The following FBN1 variants were observed in gnomAD, a reference collection of about 807,000 sequenced individuals.
The protein encoded by FBN1 is fibrillin-1.
FBN1 carries 29 observed loss-of-function variants against 365.1 expected under a neutral mutation model. The observed-to-expected ratio is 0.08, with a 90% CI of 0.06 to 0.11. FBN1 has a LOEUF of 0.11. Among genes scored for constraint, FBN1 ranks in the 10% least tolerant of loss-of-function variants. The probability of loss-of-function intolerance (pLI) is 1.00; values close to 1 mark genes in which losing one functional copy is unlikely to be tolerated. For synonymous variants in FBN1, 1,210 were observed against 1,270.5 expected, an observed-to-expected ratio of 0.95 and a Z score of 1.01; for missense variants, 2,476 against 3,703.2, an observed-to-expected ratio of 0.67 and a Z score of 8.60.
chr15:48,514,972 G>C (rs147957276), intron 12 of FBN1, among the ~76,000 whole-genome samples: 185 of 152,270 alleles, frequency 1.2e-3, no homozygotes, highest in African/African-American at 4.2e-3. Context: ...AGAGTCTCCT[G>C]GATTATACAG....
At chr15:48,426,577 T>C (rs1018909012) in intron 58 of FBN1, among the ~76,000 whole-genome samples, 5 of 152,014 alleles carry the variant, frequency 3.3e-5, no homozygotes, top group South Asian at 2.1e-4. Context: ...TCTTGACCCA[T>C]TTTACCTCCT....
intron 2 of FBN1, among the ~76,000 whole-genome samples, chr15:48,637,209 C>T (rs1890110352): frequency 6.6e-6 from 1 of 152,310 alleles, no homozygotes; most frequent in Admixed American, 6.5e-5. Context: ...CCTATATTAG[C>T]CTCCTAAATC....
At chr15:48,640,658 G>A (rs1278028908) in intron 2 of FBN1, among the ~76,000 whole-genome samples, 1 of 152,122 alleles carries the variant, frequency 6.6e-6, no homozygotes, top group Non-Finnish European at 1.5e-5. Context: ...AGACCAAAAG[G>A]AATCACACAC....
At chr15:48,567,387 A>C (rs1044816800) in intron 6 of FBN1, among the ~76,000 whole-genome samples, 1 of 152,196 alleles carries the variant, frequency 6.6e-6, no homozygotes, top group African/African-American at 2.4e-5. Flanking sequence ...ATAGAGAAAC[A>C]CTGTTGTGTA....
chr15:48,468,280 C>A, intron 37 of FBN1, 132 bp downstream of exon 37: 1 of 1,375,284 alleles, frequency 7.3e-7, no homozygotes, highest in African/African-American at 1.4e-5. Flanking sequence ...ATATCTGAAT[C>A]TAAAGTAGAG....
intron 2 of FBN1, among the ~76,000 whole-genome samples, chr15:48,630,328 T>C (rs1187922329): frequency 3.3e-5 from 5 of 152,192 alleles, no homozygotes; most frequent in Admixed American, 6.5e-5. Context: ...ATGGGAAATA[T>C]GAAATGGAGG....
intron 2 of FBN1, among the ~76,000 whole-genome samples, chr15:48,622,169 T>G (rs1268779374): frequency 6.6e-6 from 1 of 152,186 alleles, no homozygotes; most frequent in African/African-American, 2.4e-5. Flanking sequence ...AAAATAATAA[T>G]AATCCTGTCC....
chr15:48,485,548 C>A, intron 29 of FBN1, 52 bp from the exon 30 acceptor site: 1 of 1,596,844 alleles, frequency 6.3e-7, no homozygotes, highest in Non-Finnish European at 8.6e-7. Context: ...GATGTCTGTC[C>A]CCTCCAATAC....
intron 36 of FBN1, 71 bp from the exon 37 acceptor site, chr15:48,468,605 G>A: frequency 1.3e-6 from 2 of 1,547,738 alleles, no homozygotes; most frequent in Non-Finnish European, 8.9e-7. Flanking sequence ...TAAAAGAACA[G>A]GGCCCAATCT....
At position 48,411,236 on chromosome 15, in the gene FBN1, G is replaced by A. The variant is rs757167650; in HGVS notation, c.8370C>T (p.His2790=). Residue 2790 remains histidine (H), a synonymous_variant, in exon 66 of 66, where the codon CAC becomes CAT. Coordinates refer to ENST00000316623, the MANE Select transcript of FBN1 (RefSeq NM_000138.5). ...LLPALTTLTN[H]NRYLIESGNE... is the part of the protein sequence containing the mutation. ...TTCCAGATTCGATCAAGTATCTGTT[G>A]TGATTCGTCAGAGTTGTAAGAGCTG... is the stretch of plus-strand genomic sequence containing the variant. 1 of 1,614,126 alleles carries A rather than the reference G, an allele frequency of 6.2e-7. No individual in the cohort carries two copies. Among genetic ancestry groups the A allele is most frequent in the Non-Finnish European group, 8.5e-7 (1 of 1,180,002 alleles).
intron 53 of FBN1, among the ~76,000 whole-genome samples, chr15:48,436,185 A>G (rs959421490): frequency 2.0e-5 from 3 of 152,166 alleles, no homozygotes; most frequent in African/African-American, 7.2e-5. Context: ...TCCCGATACC[A>G]TTGATCTTTA....
rs746320943 is a variant in FBN1, at chr15:48,465,678, T to C, written c.4832A>G (p.Gln1611Arg). 1.2e-6 allele frequency: 2 copies of C among 1,614,106 alleles called. No homozygotes were observed. The highest frequency in any genetic ancestry group is 1.7e-6 in the Non-Finnish European group (2 of 1,179,954). Residue 1611 changes from glutamine (Q) to arginine (R), a missense_variant, in exon 40 of 66, where the codon CAG (glutamine) becomes CGG (arginine). By Grantham distance (43) the Gln-to-Arg change is conservative. This residue lies in a region of FBN1 where 1,780 missense variants were observed against 2,840.8 expected (regional missense o/e 0.63). Transcript: ENST00000316623. The part of the protein sequence containing the change: ...TVILEDIDEC[Q>R]ELPGLCQGGK... The stretch of plus-strand genomic sequence containing the variant: ...TCCTTGGCACAGCCCTGGTAGCTCC[T>C]GGCACTCATCAATATCTATCAAAAT...
At chr15:48,524,400 G>A (rs1231303644) in intron 9 of FBN1, among the ~76,000 whole-genome samples, 2 of 152,086 alleles carry the variant, frequency 1.3e-5, no homozygotes, top group Non-Finnish European at 2.9e-5. Context: ...ACTGTCTTAC[G>A]AACAAGCCTT....
At chr15:48,456,843 CGTGTGTGTGT>C (rs3074895) in intron 43 of FBN1, 81 bp from the exon 44 acceptor site, 7 of 742,924 alleles carry the variant, frequency 9.4e-6, no homozygotes, top group African/African-American at 1.9e-5. Context: ...AAAGTGCGTG[CGTGTGTGTGT>C]GTGTGTGTGT....
At chr15:48,420,547 C>G (rs59270599) in intron 63 of FBN1, 140 bp downstream of exon 63, 1 of 1,047,656 alleles carries the variant, frequency 9.5e-7, no homozygotes. Context: ...TTACTTACCT[C>G]GGGTTTCAAC....
At chr15:48,495,356 A>G in intron 21 of FBN1, 96 bp from the exon 22 acceptor site, 1 of 1,594,844 alleles carries the variant, frequency 6.3e-7, no homozygotes, top group African/African-American at 1.3e-5. Context: ...AACAAGGAAT[A>G]ATGAAGTTTT....
chr15:48,433,221 T>G (rs953549809), intron 54 of FBN1, among the ~76,000 whole-genome samples: 1 of 152,330 alleles, frequency 6.6e-6, no homozygotes, highest in Non-Finnish European at 1.5e-5. Flanking sequence ...AGTCCCAGTT[T>G]ATGTTTGTTG....
At chr15:48,642,204 C>G (rs1407235979) in intron 2 of FBN1, 1 of 152,176 alleles carries the variant, frequency 6.6e-6, no homozygotes, top group African/African-American at 2.4e-5. Flanking sequence ...ATGGCGAAAC[C>G]CCATCTCTAC....
In FBN1 at chr15:48,468,087, T is replaced by C. The variant is rs1254024310; in HGVS notation, c.4598A>G (p.Asn1533Ser). 3.1e-6 allele frequency: 5 copies of C among 1,614,008 alleles called. No individual in the cohort carries two copies. Among genetic ancestry groups the C allele is most frequent in the Non-Finnish European group, 4.2e-6 (5 of 1,180,028 alleles). Residue 1533 changes from asparagine (N) to serine (S), a missense_variant, in exon 38 of 66, where the codon AAT becomes AGT. Transcript: ENST00000316623. ...RVGCVDTRSG[N>S]CYLDIRPRGD... ...TCGAGGTCGAATATCCAAATAGCAA[T>C]TTCCAGAGCGGGTATCTATTTACCA...
Sources: gnomAD v4.1 joint callset for allele counts (sites outside exome capture counted in the v4.1 genomes callset) on GRCh38, gnomAD v4.1.1 for gene constraint, gnomAD v4.1.1 regional missense constraint, MANE v1.5 for transcripts, NCBI Gene and HGNC (gene_info 2026-07-23, HGNC 2026-07-21) for gene names.